STPG2: variants seen among roughly 807,000 people sequenced by gnomAD.
STPG2 encodes the protein sperm-tail PG-rich repeat-containing protein 2.
A neutral mutation model predicts 54.2 loss-of-function variants in STPG2; 56 were observed. That is an observed-to-expected ratio of 1.03 (90% CI 0.83 to 1.29). The LOEUF (loss-of-function observed/expected upper bound fraction) is 1.29. STPG2 is among the 50% of genes most tolerant of loss of function. The probability of loss-of-function intolerance (pLI) is 0.00; values close to 1 mark genes in which losing one functional copy is unlikely to be tolerated. For missense variants in STPG2, 596 were observed against 544.9 expected (o/e 1.09, Z -0.93); for synonymous variants, 200 against 181.8 (o/e 1.10, Z -0.81).
At chr4:97,779,153 G>A (rs113673887) in intron 9 of STPG2, among the ~76,000 whole-genome samples, 2,742 of 152,044 alleles carry the variant, frequency 0.018, 75 homozygotes, top group African/African-American at 0.063. Context: ...GAAGAAAGTC[G>A]AACCCAACCC....
chr4:97,717,183 GAA>G (rs1319280716), intron 9 of STPG2, among the ~76,000 whole-genome samples: 1 of 151,992 alleles, frequency 6.6e-6, no homozygotes, highest in African/African-American at 2.4e-5. Context: ...ATAGGTAAGA[GAA>G]AAAAGAGTCC....
At chr4:97,521,108 A>G (rs1172672406) in intron 4 of STPG2, among the ~76,000 whole-genome samples, 4 of 152,058 alleles carry the variant, frequency 2.6e-5, no homozygotes, top group Admixed American at 2.6e-4. Flanking sequence ...ACTATTGTAC[A>G]TTATTAAACA....
chr4:98,131,158 T>G (rs533830164), intron 2 of STPG2, among the ~76,000 whole-genome samples: 3 of 152,112 alleles, frequency 2.0e-5, no homozygotes, highest in Non-Finnish European at 4.4e-5. Context: ...TTTTTCCCAT[T>G]CTTTTTAACT....
At chr4:97,562,804 G>A (rs1007664709) in intron 10 of STPG2, among the ~76,000 whole-genome samples, 2 of 152,064 alleles carry the variant, frequency 1.3e-5, no homozygotes, top group African/African-American at 2.4e-5. Flanking sequence ...ACTTGATCAC[G>A]GTGGATAAGC....
chr4:98,009,634 T>G (rs1735681632), intron 5 of STPG2, among the ~76,000 whole-genome samples: 1 of 134,560 alleles, frequency 7.4e-6, no homozygotes, highest in Non-Finnish European at 1.6e-5. Flanking sequence ...GTTTCCTTAC[T>G]GAATTTCTGA....
intron 10 of STPG2, among the ~76,000 whole-genome samples, chr4:97,686,797 G>C (rs1723202779): frequency 6.6e-6 from 1 of 151,880 alleles, no homozygotes; most frequent in Non-Finnish European, 1.5e-5. Flanking sequence ...TAAATCCATT[G>C]CACTTAGTGT....
chr4:97,777,616 A>C (rs1439345890), intron 9 of STPG2, among the ~76,000 whole-genome samples: 2 of 152,160 alleles, frequency 1.3e-5, no homozygotes, highest in Non-Finnish European at 2.9e-5. Flanking sequence ...TTACCTTCTT[A>C]TTTCATATAA....
intron 5 of STPG2, among the ~76,000 whole-genome samples, chr4:98,040,250 T>C (rs1456270721): frequency 3.3e-5 from 5 of 151,992 alleles, no homozygotes; most frequent in African/African-American, 1.2e-4. Context: ...TCCGAAAATA[T>C]CTTCCCTCAT....
At chr4:97,633,272 T>A (rs957361360) in intron 10 of STPG2, among the ~76,000 whole-genome samples, 3 of 152,186 alleles carry the variant, frequency 2.0e-5, no homozygotes, top group African/African-American at 7.2e-5. Context: ...TTTCAGTTTT[T>A]ATTGACTTAA....
rs1434355006 is a variant in STPG2 at position 97,496,412 on chromosome 4, T to C, written c.462+216287A>G. On this transcript the variant is annotated intron_variant, in intron 4 of 4. Coordinates refer to the STPG2 transcript ENST00000522676. ...CCAAGACACATGCTGAACTCAAAAT[T>C]ACACAGCATGCATCTAGTCTCAAAA... is the stretch of plus-strand genomic sequence containing the variant. Among the ~76,000 whole-genome samples, 3 of 151,684 alleles carry C rather than the reference T, an allele frequency of 2.0e-5. No individual in the cohort carries two copies. In the East Asian group the frequency reaches 5.8e-4, roughly 29 times the overall value.
chr4:97,737,771 A>G (rs2149032817), intron 9 of STPG2, among the ~76,000 whole-genome samples: 1 of 152,346 alleles, frequency 6.6e-6, no homozygotes, highest in South Asian at 2.1e-4. Flanking sequence ...AATGGAACCA[A>G]GCTGGAAAAC....
intron 4 of STPG2, among the ~76,000 whole-genome samples, chr4:97,513,079 T>G (rs1430620800): frequency 6.6e-6 from 1 of 152,132 alleles, no homozygotes; most frequent in Non-Finnish European, 1.5e-5. Context: ...TTTCCATGAC[T>G]CCTTTCTTGG....
At chr4:97,508,940 C>T (rs1179528711) in intron 4 of STPG2, among the ~76,000 whole-genome samples, 1 of 152,086 alleles carries the variant, frequency 6.6e-6, no homozygotes, top group Non-Finnish European at 1.5e-5. Context: ...ACACTGTTTT[C>T]ATTGTCTTTT....
At chr4:97,450,208 G>A (rs1431678384) in intron 4 of STPG2, among the ~76,000 whole-genome samples, 1 of 152,060 alleles carries the variant, frequency 6.6e-6, no homozygotes, top group Non-Finnish European at 1.5e-5. Flanking sequence ...CCAAGCTTCA[G>A]TCATAATCCA....
At chr4:97,887,352 T>C (rs1309084323) in intron 8 of STPG2, among the ~76,000 whole-genome samples, 2 of 152,142 alleles carry the variant, frequency 1.3e-5, no homozygotes, top group African/African-American at 4.8e-5. Context: ...GAAGGTCAGG[T>C]TGACAAGATC....
intron 10 of STPG2, among the ~76,000 whole-genome samples, chr4:97,575,808 AAAG>A (rs772296718): frequency 6.6e-6 from 1 of 152,198 alleles, no homozygotes; most frequent in Non-Finnish European, 1.5e-5. Context: ...TTAAACAGGA[AAAG>A]AAGATGTCAA....
intron 7 of STPG2, among the ~76,000 whole-genome samples, chr4:97,970,159 G>C (rs1172623571): frequency 6.6e-6 from 1 of 152,124 alleles, no homozygotes; most frequent in Admixed American, 6.5e-5. Context: ...AAATAAAAGA[G>C]AACACAAATG....
chr4:98,016,835 C>T (rs1468580397), intron 5 of STPG2, among the ~76,000 whole-genome samples: 1 of 152,028 alleles, frequency 6.6e-6, no homozygotes, highest in Non-Finnish European at 1.5e-5. Flanking sequence ...TTCATAATTG[C>T]TGTCTTTCAT....
chr4:97,599,550 G>A (rs1383370852), intron 10 of STPG2, among the ~76,000 whole-genome samples: 1 of 152,100 alleles, frequency 6.6e-6, no homozygotes, highest in African/African-American at 2.4e-5. Flanking sequence ...TAGGCCGGGT[G>A]CGGTGGCTCA....
Sources: allele counts gnomAD v4.1 joint callset (sites outside exome capture counted in the v4.1 genomes callset), GRCh38; gene constraint gnomAD v4.1.1; transcripts MANE v1.5; gene names NCBI Gene and HGNC (gene_info 2026-07-23, HGNC 2026-07-21).